Variants in AKAP13 observed in about 807,000 individuals in gnomAD.
AKAP13 encodes A-kinase anchor protein 13.
A neutral mutation model predicts 264.5 loss-of-function variants in AKAP13; 80 were observed. That is an observed-to-expected ratio of 0.30 (90% CI 0.25 to 0.36). The LOEUF (loss-of-function observed/expected upper bound fraction) is 0.36. Ranked by LOEUF, AKAP13 falls within the 10% of genes least tolerant of loss-of-function variation. The pLI is 1.00. For synonymous variants in AKAP13, 1,380 were observed against 1,250.2 expected (o/e 1.10, Z -2.19); for missense variants, 3,712 against 3,435.2 (o/e 1.08, Z -2.01).
At chr15:85,489,637 G>A (rs2075669384) in intron 2 of AKAP13, among the ~76,000 whole-genome samples, 1 of 152,340 alleles carries the variant, frequency 6.6e-6, no homozygotes, top group Middle Eastern at 3.4e-3. Flanking sequence ...ATCATCATTA[G>A]AAGGGAGAAT....
chr15:85,650,916 T>A (rs1022739074), intron 10 of AKAP13, among the ~76,000 whole-genome samples: 11 of 152,010 alleles, frequency 7.2e-5, no homozygotes, highest in Non-Finnish European at 1.5e-5. Flanking sequence ...GATTAAATGG[T>A]TGGCATGTGT....
intron 1 of AKAP13, among the ~76,000 whole-genome samples, chr15:85,381,048 C>G (rs1176193447): frequency 2.6e-5 from 4 of 152,056 alleles, no homozygotes; most frequent in Non-Finnish European, 5.9e-5. Context: ...CGGCGCGCCT[C>G]CCACTCCGCA....
chr15:85,494,315 C>A (rs1567086518), intron 2 of AKAP13, among the ~76,000 whole-genome samples: 1 of 152,162 alleles, frequency 6.6e-6, no homozygotes, highest in East Asian at 1.9e-4. Context: ...GAGTTTTAGA[C>A]TTCTGATGAA....
At chr15:85,623,725 C>A (rs1004785171) in intron 8 of AKAP13, among the ~76,000 whole-genome samples, 2 of 152,194 alleles carry the variant, frequency 1.3e-5, no homozygotes, top group African/African-American at 4.8e-5. Context: ...CTTGGTCACC[C>A]ACCTGTCTGT....
chr15:85,391,863 C>T (rs1210363576), intron 1 of AKAP13, among the ~76,000 whole-genome samples: 1 of 152,076 alleles, frequency 6.6e-6, no homozygotes, highest in East Asian at 1.9e-4. Context: ...CGGCTCACTG[C>T]AACCTCCGTC....
chr15:85,527,064 C>A (rs970946355), intron 3 of AKAP13, among the ~76,000 whole-genome samples: 2 of 151,922 alleles, frequency 1.3e-5, no homozygotes, highest in Admixed American at 6.6e-5. Flanking sequence ...AGGCCATTCT[C>A]CTGCCTCAGC....
chr15:85,721,040 C>T (rs1190915969), intron 23 of AKAP13, among the ~76,000 whole-genome samples: 3 of 152,238 alleles, frequency 2.0e-5, no homozygotes, highest in Non-Finnish European at 2.9e-5. Context: ...TTCTCTCTCT[C>T]TGCCCCTCCT....
At chr15:85,532,084 T>G (rs1479943636) in intron 3 of AKAP13, among the ~76,000 whole-genome samples, 1 of 152,186 alleles carries the variant, frequency 6.6e-6, no homozygotes, top group Non-Finnish European at 1.5e-5. Context: ...ATCTATAAAT[T>G]GAGAACAATA....
At chr15:85,615,336 T>C (rs1184749803) in intron 8 of AKAP13, among the ~76,000 whole-genome samples, 1 of 152,222 alleles carries the variant, frequency 6.6e-6, no homozygotes, top group African/African-American at 2.4e-5. Flanking sequence ...TTTTACTGTC[T>C]TGTAATCTTC....
At chr15:85,561,278 G>A (rs1006863413) in intron 5 of AKAP13, among the ~76,000 whole-genome samples, 7 of 151,978 alleles carry the variant, frequency 4.6e-5, no homozygotes, top group Non-Finnish European at 7.4e-5. Context: ...GGCTGGTCTC[G>A]AACTCCTGAC....
At chr15:85,407,217 G>A (rs2071710880) in intron 1 of AKAP13, among the ~76,000 whole-genome samples, 2 of 150,196 alleles carry the variant, frequency 1.3e-5, no homozygotes, top group South Asian at 2.1e-4. Context: ...GGGATGGGAC[G>A]GGTGTGCTGG....
At chr15:85,463,440 G>T (rs957207113) in intron 1 of AKAP13, among the ~76,000 whole-genome samples, 6 of 152,178 alleles carry the variant, frequency 3.9e-5, no homozygotes, top group African/African-American at 1.4e-4. Flanking sequence ...GATTTCAGTT[G>T]CTGTAGTGTT....
chr15:85,691,745 A>G, intron 16 of AKAP13: 1 of 455,670 alleles, frequency 2.2e-6, no homozygotes, highest in South Asian at 1.6e-5. Context: ...CCTGCTCAGT[A>G]AGTAGAAGCA....
chr15:85,566,696 G>A (rs1023146096), intron 5 of AKAP13, among the ~76,000 whole-genome samples: 12 of 147,736 alleles, frequency 8.1e-5, no homozygotes, highest in Admixed American at 3.4e-4. Context: ...GTGCAGCCTC[G>A]ACTCACTGCA....
chr15:85,743,989 C>T (rs2089252590), intron 36 of AKAP13, 164 bp downstream of exon 36: 1 of 785,980 alleles, frequency 1.3e-6, no homozygotes, highest in Non-Finnish European at 2.0e-6. Flanking sequence ...AGCACTCATG[C>T]AGCGAACATT....
At chr15:85,720,432 T>C (rs907153549) in intron 23 of AKAP13, among the ~76,000 whole-genome samples, 1 of 152,196 alleles carries the variant, frequency 6.6e-6, no homozygotes, top group African/African-American at 2.4e-5. Flanking sequence ...TTCATCAAGG[T>C]GTGGTATGGT....
At chr15:85,405,585 A>G (rs1436608411) in intron 1 of AKAP13, among the ~76,000 whole-genome samples, 3 of 152,196 alleles carry the variant, frequency 2.0e-5, no homozygotes, top group Non-Finnish European at 4.4e-5. Flanking sequence ...ACCTGTGAAG[A>G]TTTTATCTCT....
chr15:85,528,135 A>G (rs940904276), intron 3 of AKAP13, among the ~76,000 whole-genome samples: 12 of 152,144 alleles, frequency 7.9e-5, no homozygotes, highest in African/African-American at 2.7e-4. Flanking sequence ...CAGTAGCAAT[A>G]TTTCGTTTCC....
At chr15:85,607,133 G>A (rs996386697) in intron 8 of AKAP13, among the ~76,000 whole-genome samples, 3 of 149,954 alleles carry the variant, frequency 2.0e-5, no homozygotes, top group Non-Finnish European at 4.4e-5. Flanking sequence ...TTTTAAAGAA[G>A]TACTTCTTTG....
Sources: allele counts gnomAD v4.1 joint callset (sites outside exome capture counted in the v4.1 genomes callset), GRCh38; gene constraint gnomAD v4.1.1; transcripts MANE v1.5; gene names NCBI Gene and HGNC (gene_info 2026-07-23, HGNC 2026-07-21).